Variants in BTD observed in about 807,000 individuals in gnomAD.
The protein encoded by BTD is biocytinase.
Under a neutral mutation model 17.7 loss-of-function variants are expected in BTD, and 13 were observed. That is an observed-to-expected ratio of 0.74 (90% CI 0.48 to 1.17). The LOEUF (loss-of-function observed/expected upper bound fraction) is 1.17. BTD is among the 50% of genes most tolerant of loss of function. BTD has a pLI of 0.00. For synonymous variants in BTD, 240 were observed against 245.2 expected, an observed-to-expected ratio of 0.98 and a Z score of 0.20; for missense variants, 674 against 650.4, an observed-to-expected ratio of 1.04 and a Z score of -0.39.
chr3:15,686,064 G>C (rs752015321), intron 3 of BTD: 4 of 1,613,748 alleles, frequency 2.5e-6, no homozygotes, highest in Non-Finnish European at 3.4e-6. Context: ...CCTTTGTTCA[G>C]CAATGAGTAA....
intron 2 of BTD, among the ~76,000 whole-genome samples, chr3:15,640,385 T>G (rs1475121186): frequency 2.1e-5 from 3 of 139,950 alleles, no homozygotes; most frequent in Non-Finnish European, 4.6e-5. Context: ...TTTTTGAAAG[T>G]TTTTTTTTTT....
intron 1 of BTD, among the ~76,000 whole-genome samples, chr3:15,606,157 A>G (rs2064448159): frequency 6.6e-6 from 1 of 150,608 alleles, no homozygotes; most frequent in Non-Finnish European, 1.5e-5. Context: ...TCCATCATGT[A>G]TTATTTATAT....
At chr3:15,633,463 T>C (rs1022885895) in intron 1 of BTD, among the ~76,000 whole-genome samples, 1 of 152,230 alleles carries the variant, frequency 6.6e-6, no homozygotes, top group Non-Finnish European at 1.5e-5. Flanking sequence ...AAAATAAATT[T>C]TATCTTCTCC....
At chr3:15,622,191 T>G (rs2064967605) in intron 1 of BTD, among the ~76,000 whole-genome samples, 1 of 152,198 alleles carries the variant, frequency 6.6e-6, no homozygotes, top group Non-Finnish European at 1.5e-5. Flanking sequence ...CTGTCATTCT[T>G]CTTACTTTGG....
At chr3:15,603,377 G>A (rs537741677) in intron 1 of BTD, among the ~76,000 whole-genome samples, 1 of 152,342 alleles carries the variant, frequency 6.6e-6, no homozygotes, top group Admixed American at 6.5e-5. Flanking sequence ...CAAGCTAGTG[G>A]CTGGGCGCAG....
rs1381747465 is a variant in BTD, at chr3:15,649,156, ACACAGCTGG to A, written c.*3672_*3680del. On this transcript the variant is annotated 3_prime_UTR_variant, in exon 4 of 4. Coordinates refer to ENST00000643237, the MANE Select transcript of BTD (RefSeq NM_001370658.1). ...GGATCACTTGCAAAATGGCCCATTC[ACACAGCTGG>A]CACGTTGGTGCTGGCTGCTAGCAAA... Among the ~76,000 whole-genome samples, 1 of 152,228 alleles carries A rather than the reference ACACAGCTGG, an allele frequency of 6.6e-6. No homozygotes were observed. Among genetic ancestry groups the A allele is most frequent in the East Asian group, 1.9e-4 (1 of 5,200 alleles).
At chr3:15,717,444 T>C (rs2073199881), downstream of BTD, among the ~76,000 whole-genome samples, 1 of 152,164 alleles carries the variant, frequency 6.6e-6, no homozygotes, top group African/African-American at 2.4e-5. Context: ...CAGTTATTTC[T>C]TTCTGAACTG....
At chr3:15,702,259 T>C (rs1275739769) in intron 3 of BTD, among the ~76,000 whole-genome samples, 1 of 152,176 alleles carries the variant, frequency 6.6e-6, no homozygotes, top group African/African-American at 2.4e-5. Context: ...AGAACAGTGG[T>C]TAATCACTTA....
chr3:15,640,875 A>G (rs1309685204), intron 2 of BTD, among the ~76,000 whole-genome samples: 1 of 152,234 alleles, frequency 6.6e-6, no homozygotes, highest in Non-Finnish European at 1.5e-5. Context: ...AATTTTCTAC[A>G]GTAAAACTTT....
chr3:15,613,074 T>C (rs1386661057), intron 1 of BTD, among the ~76,000 whole-genome samples: 1 of 152,214 alleles, frequency 6.6e-6, no homozygotes, highest in East Asian at 1.9e-4. Flanking sequence ...TAATCTCTTT[T>C]GATTAACTAG....
chr3:15,714,603 G>A, downstream of BTD: 1 of 1,597,428 alleles, frequency 6.3e-7, no homozygotes, highest in Non-Finnish European at 8.5e-7. Flanking sequence ...TTTGTGATCG[G>A]GAGAATCTAC....
At chr3:15,608,623 G>T (rs1293192432) in intron 1 of BTD, among the ~76,000 whole-genome samples, 2 of 152,082 alleles carry the variant, frequency 1.3e-5, no homozygotes, top group Non-Finnish European at 2.9e-5. Flanking sequence ...AAAATTAGCT[G>T]GGCATGGTGA....
chr3:15,690,164 A>G, intron 3 of BTD: 2 of 1,608,910 alleles, frequency 1.2e-6, no homozygotes, highest in South Asian at 1.1e-5. Flanking sequence ...TTCTGACATC[A>G]AGATCTAACA....
At chr3:15,625,491 CG>C (rs1209328142) in intron 1 of BTD, among the ~76,000 whole-genome samples, 2 of 152,078 alleles carry the variant, frequency 1.3e-5, no homozygotes, top group Non-Finnish European at 2.9e-5. Context: ...TACAAAAGTG[CG>C]GGTGCCTCCA....
chr3:15,682,381 T>C (rs1015394388), intron 3 of BTD, among the ~76,000 whole-genome samples: 1 of 152,114 alleles, frequency 6.6e-6, no homozygotes, highest in African/African-American at 2.4e-5. Flanking sequence ...GTGGGGCCCC[T>C]TTGTGACCTC....
intron 3 of BTD, among the ~76,000 whole-genome samples, chr3:15,679,969 T>C (rs1211117250): frequency 6.6e-6 from 1 of 152,188 alleles, no homozygotes; most frequent in Non-Finnish European, 1.5e-5. Context: ...ATTTAAAGTA[T>C]AGCAGAGAAT....
At chr3:15,702,976 C>T (rs2070834998) in intron 3 of BTD, among the ~76,000 whole-genome samples, 1 of 152,196 alleles carries the variant, frequency 6.6e-6, no homozygotes, top group Non-Finnish European at 1.5e-5. Flanking sequence ...CTAGTATCTC[C>T]ATTTCACAGA....
rs1334903130 is a variant in BTD at position 15,649,110 on chromosome 3, G to A, written c.*3622G>A. Among the ~76,000 whole-genome samples the A allele has an allele frequency of 6.6e-6, 1 of 152,228 alleles. No homozygotes were observed. The highest frequency in any genetic ancestry group is 6.5e-5 in the Admixed American group (1 of 15,278). On this transcript the variant is annotated 3_prime_UTR_variant, in exon 4 of 4. Transcript: ENST00000643237. ...CAGTTCAGGGTACTTTGATATGGCAGACCTAGGAAACAAATACAGAGGATC... is the reference window on the plus strand; with the variant it reads ...CAGTTCAGGGTACTTTGATATGGCAAACCTAGGAAACAAATACAGAGGATC...
chr3:15,638,364 C>T (rs1202763548), intron 2 of BTD, among the ~76,000 whole-genome samples: 1 of 152,090 alleles, frequency 6.6e-6, no homozygotes, highest in African/African-American at 2.4e-5. Flanking sequence ...AGAGAAATCC[C>T]AGAACACGCA....
Sources: allele counts gnomAD v4.1 joint callset (sites outside exome capture counted in the v4.1 genomes callset), GRCh38; gene constraint gnomAD v4.1.1; transcripts MANE v1.5; gene names NCBI Gene and HGNC (gene_info 2026-07-23, HGNC 2026-07-21).